Variants in MGRN1 observed in about 807,000 individuals in gnomAD.
MGRN1 encodes mahogunin ring finger 1.
Under a neutral mutation model 69.2 loss-of-function variants are expected in MGRN1, and 29 were observed. That is an observed-to-expected ratio of 0.42 (90% CI 0.31 to 0.57). MGRN1 has a LOEUF of 0.57. Ranked by LOEUF, MGRN1 falls within the 20% of genes least tolerant of loss-of-function variation. MGRN1 has a pLI of 0.15. For missense variants in MGRN1, 998 were observed against 796.2 expected, an observed-to-expected ratio of 1.25 and a Z score of -3.05; for synonymous variants, 470 against 344.2, an observed-to-expected ratio of 1.37 and a Z score of -4.04.
chr16:4,668,799 C>A (rs187933118), intron 8 of MGRN1, among the ~76,000 whole-genome samples: 1 of 151,948 alleles, frequency 6.6e-6, no homozygotes, highest in African/African-American at 2.4e-5. Context: ...TATACACATA[C>A]ACACACGTAT....
At chr16:4,643,066 G>A (rs1475137682) in intron 1 of MGRN1, among the ~76,000 whole-genome samples, 6 of 151,848 alleles carry the variant, frequency 4.0e-5, no homozygotes, top group African/African-American at 7.3e-5. Flanking sequence ...AGCGATTCTC[G>A]TGCCTCAGCC....
chr16:4,629,259 A>T (rs1447404960), intron 1 of MGRN1, among the ~76,000 whole-genome samples: 1 of 151,824 alleles, frequency 6.6e-6, no homozygotes, highest in Non-Finnish European at 1.5e-5. Flanking sequence ...CGGAGTTGTA[A>T]CAAAGAGTTC....
chr16:4,656,567 T>G (rs1032515707), intron 4 of MGRN1, among the ~76,000 whole-genome samples: 19 of 152,182 alleles, frequency 1.2e-4, no homozygotes, highest in African/African-American at 4.6e-4. Context: ...TGTGTATACT[T>G]AAGTACTGTG....
At chr16:4,648,782 G>A (rs1478548352) in intron 1 of MGRN1, among the ~76,000 whole-genome samples, 8 of 107,994 alleles carry the variant, frequency 7.4e-5, no homozygotes, top group Admixed American at 3.7e-4. Flanking sequence ...GGCTCTTCCC[G>A]TGGTCACCCG....
intron 1 of MGRN1, among the ~76,000 whole-genome samples, chr16:4,629,299 C>G (rs1897871825): frequency 6.6e-6 from 1 of 152,150 alleles, no homozygotes; most frequent in Admixed American, 6.5e-5. Context: ...ATTCTCCTGT[C>G]AGCCATGTGA....
At chr16:4,654,623 G>T (rs1468871761) in intron 4 of MGRN1, among the ~76,000 whole-genome samples, 1 of 152,244 alleles carries the variant, frequency 6.6e-6, no homozygotes. Context: ...TGCTGTCCCC[G>T]CTGAGTGGCT....
At position 4,670,921 on chromosome 16, in the gene MGRN1, C is replaced by T. The variant is rs138261875; in HGVS notation, c.727-470C>T. On this transcript the variant is annotated intron_variant, in intron 8 of 16. Transcript: ENST00000262370. Reference sequence around the variant, plus strand: ...TGGTCAGCGTGAGGCTTTTTGGTTGCAAGTGGGTGGCAGGACAGAATCAGC... The same window carrying T: ...TGGTCAGCGTGAGGCTTTTTGGTTGTAAGTGGGTGGCAGGACAGAATCAGC... Among the ~76,000 whole-genome samples the T allele has an allele frequency of 9.6e-3, 1,463 of 152,314 alleles. 25 individuals carry two copies. Among genetic ancestry groups the T allele is most frequent in the African/African-American group, 0.033 (1,384 of 41,554 alleles).
At chr16:4,669,938 C>G (rs185982257) in intron 8 of MGRN1, among the ~76,000 whole-genome samples, 19 of 151,526 alleles carry the variant, frequency 1.3e-4, no homozygotes, top group African/African-American at 4.1e-4. Context: ...ATGAGATGTC[C>G]TAGGCCACAG....
intron 12 of MGRN1, 59 bp downstream of exon 12, chr16:4,680,156 G>T (rs369313156): frequency 1.3e-6 from 2 of 1,525,846 alleles, no homozygotes; most frequent in Non-Finnish European, 1.8e-6. Flanking sequence ...TTAAACCCAC[G>T]ACAAGTAGGG....
At chr16:4,663,823 TGGGGCCCTG>T (rs1282646566) in intron 5 of MGRN1, among the ~76,000 whole-genome samples, 1 of 152,270 alleles carries the variant, frequency 6.6e-6, no homozygotes. Flanking sequence ...GGCTGACTGC[TGGGGCCCTG>T]GGGGCCGTGG....
chr16:4,633,719 T>A (rs55896721), intron 1 of MGRN1: 26,099 of 140,652 alleles, frequency 0.19, 2,367 homozygotes, highest in Middle Eastern at 0.28. Context: ...ATAAAAAAAA[T>A]TATTATTATT....
chr16:4,644,164 G>A (rs763279836), intron 1 of MGRN1, among the ~76,000 whole-genome samples: 1 of 151,140 alleles, frequency 6.6e-6, no homozygotes, highest in Non-Finnish European at 1.5e-5. Flanking sequence ...GTTTTGTTTT[G>A]TATTTTTAGT....
chr16:4,679,035 T>TG (rs1274853025), intron 11 of MGRN1, among the ~76,000 whole-genome samples: 1 of 152,218 alleles, frequency 6.6e-6, no homozygotes, highest in Non-Finnish European at 1.5e-5. Flanking sequence ...AAACATGGCT[T>TG]GGGGGTCCCT....
intron 16 of MGRN1, chr16:4,687,186 CTG>C (rs2079342877): frequency 1.0e-6 from 1 of 976,480 alleles, no homozygotes; most frequent in Admixed American, 6.6e-5. Flanking sequence ...ATAGGAGGCC[CTG>C]TGAGGTTGGC....
intron 9 of MGRN1, 50 bp from the exon 10 acceptor site, chr16:4,673,448 G>A (rs768593898): frequency 5.7e-5 from 91 of 1,591,298 alleles, no homozygotes; most frequent in Admixed American, 2.2e-4. Context: ...AGCAGGAGCC[G>A]TACTCTGGCC....
chr16:4,632,133 C>T (rs371090362), intron 1 of MGRN1, among the ~76,000 whole-genome samples: 1 of 148,816 alleles, frequency 6.7e-6, no homozygotes, highest in South Asian at 2.1e-4. Flanking sequence ...TCTCCTGCCT[C>T]AGCCTCCTGT....
intron 2 of MGRN1, 106 bp downstream of exon 2, chr16:4,650,589 A>C: frequency 1.1e-6 from 1 of 870,164 alleles, no homozygotes; most frequent in Non-Finnish European, 1.8e-6. Flanking sequence ...AATCACCCCT[A>C]AAGGGGGCAG....
chr16:4,631,218 C>T (rs576709706), intron 1 of MGRN1, among the ~76,000 whole-genome samples: 10 of 152,290 alleles, frequency 6.6e-5, no homozygotes, highest in African/African-American at 2.4e-4. Flanking sequence ...GTTGTAGAGA[C>T]TATCATCTTC....
At chr16:4,663,047 A>G (rs945992821) in intron 5 of MGRN1, among the ~76,000 whole-genome samples, 2 of 152,064 alleles carry the variant, frequency 1.3e-5, no homozygotes, top group Non-Finnish European at 2.9e-5. Context: ...GGCCTTTCCT[A>G]TTTGATGTTT....
Sources: gnomAD v4.1 joint callset for allele counts (sites outside exome capture counted in the v4.1 genomes callset) on GRCh38, gnomAD v4.1.1 for gene constraint, MANE v1.5 for transcripts, NCBI Gene and HGNC (gene_info 2026-07-23, HGNC 2026-07-21) for gene names.